ATP1A1: variants seen among roughly 807,000 people sequenced by gnomAD.
ATP1A1 encodes the protein ATPase Na+/K+ transporting subunit alpha 1, also known as sodium/potassium-transporting ATPase subunit alpha-1.
Under a neutral mutation model 114.8 loss-of-function variants are expected in ATP1A1, and 14 were observed. The observed-to-expected ratio is 0.12, with a 90% CI of 0.08 to 0.19. ATP1A1 has a LOEUF of 0.19. ATP1A1 is among the 10% of genes least tolerant of loss of function. ATP1A1 has a pLI of 1.00. For synonymous variants in ATP1A1, 471 were observed against 466.3 expected, an observed-to-expected ratio of 1.01 and a Z score of -0.13; for missense variants, 524 against 1,290.7, an observed-to-expected ratio of 0.41 and a Z score of 9.10.
At position 116,390,260 on chromosome 1, in the gene ATP1A1, A is replaced by G. The variant is rs1345817945; in HGVS notation, c.1071A>G (p.Leu357=). 6.2e-7 allele frequency: 1 copy of G among 1,614,178 alleles called. No homozygotes were observed. Among genetic ancestry groups the G allele is most frequent in the Non-Finnish European group, 8.5e-7 (1 of 1,180,026 alleles). The change falls in exon 9 of 23, where the codon TTA becomes TTG. Residue 357 remains leucine (L), a synonymous_variant. Coordinates refer to ENST00000295598, the MANE Select transcript of ATP1A1 (RefSeq NM_000701.8). ...TAKRMARKNC[L]VKNLEAVETL... ...AACGCATGGCAAGGAAAAACTGCTT[A>G]GTGAAGAACTTAGAAGCTGTGGAGA...
In ATP1A1 at chr1:116,398,542, C is replaced by T. The variant is rs1653125540; in HGVS notation, c.2125-79C>T. 9.9e-6 allele frequency: 15 copies of T among 1,511,190 alleles called. 1 individual carries two copies. The South Asian group carries it at 1.5e-4, about 15-fold the overall frequency. The allele number at this position is 1,511,190 out of a possible 1,614,324, so 93.6% of individuals were successfully genotyped here. On this transcript the variant is annotated intron_variant, in intron 15 of 22. Coordinates refer to ENST00000295598, the MANE Select transcript of ATP1A1 (RefSeq NM_000701.8). This position sits in a 1 kb window ranked among gnomAD's most constrained non-coding sequence, Gnocchi z 6.1. ...AGGAGCAGTGTCTGTAATGAGTGCT[C>T]AGTGGGGGCATGCATCGCACTATTT...
rs755662541 is a variant in ATP1A1, at chr1:116,398,267, C to T, written c.2124+229C>T. 7.9e-5 allele frequency among the ~76,000 whole-genome samples: 12 copies of T among 152,120 alleles called. No homozygotes were observed. The highest frequency in any genetic ancestry group is 5.2e-4 in the Admixed American group (8 of 15,270). ...TGTCCACTGTGTCCCAGAGCCTGAC[C>T]GCTCCGTGGAGTCATCTGATATGGG... On this transcript the variant is annotated intron_variant, in intron 15 of 22. Coordinates refer to ENST00000295598, the MANE Select transcript of ATP1A1 (RefSeq NM_000701.8). This position sits in a 1 kb window ranked among gnomAD's most constrained non-coding sequence, Gnocchi z 6.1.
Position 116,387,574 on chromosome 1 carries a change from C to T in ATP1A1, c.387+83C>T. 7.0e-7 allele frequency: 1 copy of T among 1,422,420 alleles called. No individual in the cohort carries two copies. The allele number at this position is 1,422,420 out of a possible 1,614,324, so 88.1% of individuals were successfully genotyped here. Reference sequence around the variant, plus strand: ...TTTGTCTCCCACTTCTTCTCAATTACCACTCATTACTTAATGGTTATGAAC... The same window carrying T: ...TTTGTCTCCCACTTCTTCTCAATTATCACTCATTACTTAATGGTTATGAAC... On this transcript the variant is annotated intron_variant, in intron 4 of 22. Coordinates refer to ENST00000295598, the MANE Select transcript of ATP1A1 (RefSeq NM_000701.8). The surrounding 1 kb of genome is among the most constrained non-coding windows in gnomAD (Gnocchi z 6.7).
At chr1:116,373,851 G>A in intron 1 of ATP1A1, 1 of 1,264,404 alleles carries the variant, frequency 7.9e-7, no homozygotes, top group Non-Finnish European at 9.9e-7. Flanking sequence ...CTCGGGGCCG[G>A]GAGGAGGGGG....
chr1:116,404,030 C>A lies in ATP1A1; in HGVS notation c.3043+55C>A. ...AGGAGGAGTGGGAGGGGCTATAGTT[C>A]TATTGGTTTTTTGTTTCCCTCAAGG... is the stretch of plus-strand genomic sequence containing the variant. On this transcript the variant is annotated intron_variant, in intron 22 of 22. Coordinates refer to ENST00000295598, the MANE Select transcript of ATP1A1 (RefSeq NM_000701.8). This position sits in a 1 kb window ranked among gnomAD's most constrained non-coding sequence, Gnocchi z 4.8. 1 of 1,548,534 alleles carries A rather than the reference C, an allele frequency of 6.5e-7. No homozygotes were observed. Among genetic ancestry groups the A allele is most frequent in the Non-Finnish European group, 8.9e-7 (1 of 1,127,574 alleles).
Position 116,401,097 on chromosome 1 carries a change from GCC to G in ATP1A1, c.2719-32_2719-31del. The G allele has an allele frequency of 6.2e-7, 1 of 1,613,626 alleles. No individual in the cohort carries two copies. Among genetic ancestry groups the G allele is most frequent in the Non-Finnish European group, 8.5e-7 (1 of 1,179,526 alleles). On this transcript the variant is annotated intron_variant, in intron 19 of 22. Transcript: ENST00000295598. The surrounding 1 kb of genome is among the most constrained non-coding windows in gnomAD (Gnocchi z 4.7). ...CTGCCACCAGCCATGCAGGTGAAGAGCCAGAGCTCATCTTCTGTCTTCTGCAT... is the reference window on the plus strand; with the variant it reads ...CTGCCACCAGCCATGCAGGTGAAGAGAGAGCTCATCTTCTGTCTTCTGCAT...
chr1:116,404,032 A>G lies in ATP1A1; in HGVS notation c.3043+57A>G, dbSNP rs987713450. ...GAGGAGTGGGAGGGGCTATAGTTCT[A>G]TTGGTTTTTTGTTTCCCTCAAGGTG... On this transcript the variant is annotated intron_variant, in intron 22 of 22. Coordinates refer to ENST00000295598, the MANE Select transcript of ATP1A1 (RefSeq NM_000701.8). This position sits in a 1 kb window ranked among gnomAD's most constrained non-coding sequence, Gnocchi z 4.8. 72 of 1,548,474 alleles carry G rather than the reference A, an allele frequency of 4.6e-5. No individual in the cohort carries two copies. Among genetic ancestry groups the G allele is most frequent in the South Asian group, 6.9e-5 (6 of 87,418 alleles).
Position 116,395,581 on chromosome 1 carries a change from A to T in ATP1A1, c.1836+296A>T, listed in dbSNP as rs1171883114. Among the ~76,000 whole-genome samples, 1 of 152,224 alleles carries T rather than the reference A, an allele frequency of 6.6e-6. No individual in the cohort carries two copies. Among genetic ancestry groups the T allele is most frequent in the Non-Finnish European group, 1.5e-5 (1 of 68,048 alleles). ...TAAAATACTTGCATTATTCTAAGTT[A>T]ATGTACCTTATGCAATGAATGGCAT... On this transcript the variant is annotated intron_variant, in intron 13 of 22. Transcript: ENST00000295598. This position sits in a 1 kb window ranked among gnomAD's most constrained non-coding sequence, Gnocchi z 6.4.
chr1:116,401,255 G>T lies in ATP1A1; in HGVS notation c.2844G>T (p.Gly948=), dbSNP rs904188232. The T allele has an allele frequency of 3.1e-6, 5 of 1,614,090 alleles. No homozygotes were observed. Among genetic ancestry groups the T allele is most frequent in the African/African-American group, 1.3e-5 (1 of 74,938 alleles). The change falls in exon 20 of 23, where the codon GGG becomes GGT. Residue 948 remains glycine, a synonymous_variant. Transcript: ENST00000295598. This position sits in a 1 kb window ranked among gnomAD's most constrained non-coding sequence, Gnocchi z 4.7. ...GGAGGAATTCGGTCTTCCAGCAGGG[G>T]ATGAAGTAAGTAATGAAGGACATGT... The part of the protein sequence containing the change: ...KTRRNSVFQQ[G]MKNKILIFGL...
At position 116,399,021 on chromosome 1, in the gene ATP1A1, T is replaced by G. The variant is rs1446826980; in HGVS notation, c.2385T>G (p.Ile795Met). The change falls in exon 17 of 23, where the codon ATT becomes ATG. Residue 795 changes from isoleucine (I) to methionine (M), a missense_variant. Around this residue, in one of 8 missense-constraint regions of ATP1A1, gnomAD observed 36 missense variants for 199.6 expected, o/e 0.18. Coordinates refer to ENST00000295598, the MANE Select transcript of ATP1A1 (RefSeq NM_000701.8). The surrounding 1 kb of genome is among the most constrained non-coding windows in gnomAD (Gnocchi z 5.0). ...TCACCCCGTTCCTGATATTTATTAT[T>G]GCAAACATTCCACTACCACTGGGGA... ...PEITPFLIFI[I>M]ANIPLPLGTV... 1 of 1,614,242 alleles carries G rather than the reference T, an allele frequency of 6.2e-7. No homozygotes were observed. Among genetic ancestry groups the G allele is most frequent in the Non-Finnish European group, 8.5e-7 (1 of 1,180,038 alleles).
At chr1:116,376,769 C>CA (rs1159785587) in intron 1 of ATP1A1, among the ~76,000 whole-genome samples, 1 of 150,426 alleles carries the variant, frequency 6.6e-6, no homozygotes, top group African/African-American at 2.4e-5. Context: ...CCTGAGAGCC[C>CA]AAAAAACAAA....
chr1:116,404,284 T>C lies in ATP1A1; in HGVS notation c.3044-132T>C. On this transcript the variant is annotated intron_variant, in intron 22 of 22. Coordinates refer to ENST00000295598, the MANE Select transcript of ATP1A1 (RefSeq NM_000701.8). This position sits in a 1 kb window ranked among gnomAD's most constrained non-coding sequence, Gnocchi z 4.8. ...AACATGTAAATAAGTACAGTTGAGG[T>C]CCCATGTTTGGATTTTAACACACCC... 1 of 1,079,856 alleles carries C rather than the reference T, an allele frequency of 9.3e-7. No individual in the cohort carries two copies. Among genetic ancestry groups the C allele is most frequent in the Non-Finnish European group, 1.4e-6 (1 of 717,312 alleles). The allele number at this position is 1,079,856 out of a possible 1,614,324, so 66.9% of individuals were successfully genotyped here.
chr1:116,375,717 G>A (rs150578613), intron 1 of ATP1A1, among the ~76,000 whole-genome samples: 1 of 152,200 alleles, frequency 6.6e-6, no homozygotes, highest in Admixed American at 6.5e-5. Context: ...ATGTTCAGAA[G>A]AATATTTCAT....
rs1653817001 is a variant in ATP1A1 at position 116,404,555 on chromosome 1, G to A, written c.*111G>A. The A allele has an allele frequency of 6.9e-7, 1 of 1,453,182 alleles. No homozygotes were observed. The highest frequency in any genetic ancestry group is 9.0e-7 in the Non-Finnish European group (1 of 1,104,986). 90.0% of individuals were successfully genotyped at this position (1,453,182 alleles called of 1,614,324 possible). ...TTTGGAACTCTACCCTGGTAGGAAA[G>A]CACCGCAGCATGTGGGGAAGCAAGA... On this transcript the variant is annotated 3_prime_UTR_variant, in exon 23 of 23. Transcript: ENST00000295598. The surrounding 1 kb of genome is among the most constrained non-coding windows in gnomAD (Gnocchi z 4.8).
intron 1 of ATP1A1, among the ~76,000 whole-genome samples, chr1:116,375,405 C>G (rs1236142099): frequency 6.6e-6 from 1 of 152,216 alleles, no homozygotes; most frequent in Non-Finnish European, 1.5e-5. Context: ...GTTTGGGTAA[C>G]TAAGTTATGT....
At chr1:116,374,171 A>G in intron 1 of ATP1A1, 1 of 1,549,890 alleles carries the variant, frequency 6.5e-7, no homozygotes, top group Admixed American at 2.0e-5. Context: ...GGCTGCTTCT[A>G]AGTGCGAAGC....
At chr1:116,380,744 T>C (rs190002234) in intron 1 of ATP1A1, among the ~76,000 whole-genome samples, 4 of 152,300 alleles carry the variant, frequency 2.6e-5, no homozygotes, top group East Asian at 1.9e-4. Flanking sequence ...AATTTTATCT[T>C]CTCATGTCTT....
intron 3 of ATP1A1, among the ~76,000 whole-genome samples, chr1:116,386,442 GTTAA>G (rs962929368): frequency 5.9e-5 from 9 of 152,270 alleles, no homozygotes; most frequent in Non-Finnish European, 1.2e-4. Context: ...AATTAAACAA[GTTAA>G]TTAAAGCACT....
rs1439425647 is a variant in ATP1A1 at position 116,389,808 on chromosome 1, C to G, written c.1023+101C>G. On this transcript the variant is annotated intron_variant, in intron 8 of 22. Transcript: ENST00000295598. This position sits in a 1 kb window ranked among gnomAD's most constrained non-coding sequence, Gnocchi z 6.9. Reference sequence around the variant, plus strand: ...AGGTATTGCCAACTTATGTTTTATTCTGGATGTTTGATATAGTTCTTCTTG... The same window carrying G: ...AGGTATTGCCAACTTATGTTTTATTGTGGATGTTTGATATAGTTCTTCTTG... The G allele has an allele frequency of 6.7e-7, 1 of 1,485,574 alleles. No homozygotes were observed. The highest frequency in any genetic ancestry group is 9.1e-7 in the Non-Finnish European group (1 of 1,102,362). 92.0% of individuals were successfully genotyped at this position (1,485,574 alleles called of 1,614,324 possible). A position where few individuals can be genotyped will look rare whatever the true frequency, so the allele number is the denominator to read the frequency against.
Sources: gnomAD v4.1 joint callset for allele counts (sites outside exome capture counted in the v4.1 genomes callset) on GRCh38, gnomAD v4.1.1 for gene constraint, gnomAD v4.1.1 regional missense constraint, Gnocchi (gnomAD v3.1) non-coding constraint, MANE v1.5 for transcripts, NCBI Gene and HGNC (gene_info 2026-07-23, HGNC 2026-07-21) for gene names.